PLCH1: variants seen among roughly 807,000 people sequenced by gnomAD.
PLCH1 encodes 1-phosphatidylinositol 4,5-bisphosphate phosphodiesterase eta-1.
A neutral mutation model predicts 126.7 loss-of-function variants in PLCH1; 60 were observed. The observed-to-expected ratio is 0.47, with a 90% confidence interval of 0.38 to 0.59. The LOEUF is 0.59. Among genes scored for constraint, PLCH1 ranks in the 20% least tolerant of loss-of-function variants. The pLI, the probability that PLCH1 is intolerant of heterozygous loss-of-function variation, is 0.00. For missense variants in PLCH1, 1,723 were observed against 2,040.0 expected, an observed-to-expected ratio of 0.84 and a Z score of 2.99; for synonymous variants, 719 against 734.9, an observed-to-expected ratio of 0.98 and a Z score of 0.35.
intron 6 of PLCH1, among the ~76,000 whole-genome samples, chr3:155,572,756 C>T (rs1729386752): frequency 1.3e-5 from 2 of 151,770 alleles, no homozygotes; most frequent in African/African-American, 4.8e-5. Context: ...GACAGGTCCT[C>T]ATTCTGTCAC....
Position 155,710,970 on chromosome 3 carries a change from CTTT to C in PLCH1, c.-40-6709_-40-6707del, listed in dbSNP as rs35033002. On this transcript the variant is annotated intron_variant, in intron 1 of 22. Coordinates refer to ENST00000460012, the MANE Select transcript of PLCH1 (RefSeq NM_014996.4). ...AGACAATGACCATGGGCACTGTGGTCTTTTTTTTTTTTTTTTTAACACAAATTA... is the reference window on the plus strand; with the variant it reads ...AGACAATGACCATGGGCACTGTGGTCTTTTTTTTTTTTTTAACACAAATTA... 2.2e-3 allele frequency among the ~76,000 whole-genome samples: 297 copies of C among 136,112 alleles called. 1 individual carries two copies. The highest frequency in any genetic ancestry group is 6.3e-3 in the African/African-American group (238 of 37,942). 89.3% of individuals were successfully genotyped at this position (136,112 alleles called of 152,430 possible). A position where few individuals can be genotyped will look rare whatever the true frequency, so the allele number is the denominator to read the frequency against.
At chr3:155,642,554 G>T (rs1739523664) in intron 2 of PLCH1, among the ~76,000 whole-genome samples, 1 of 152,182 alleles carries the variant, frequency 6.6e-6, no homozygotes, top group South Asian at 2.1e-4. Context: ...AGCAGATTGC[G>T]CTCTCCAATG....
At chr3:155,614,037 C>G (rs1735474430) in intron 2 of PLCH1, among the ~76,000 whole-genome samples, 3 of 152,220 alleles carry the variant, frequency 2.0e-5, no homozygotes, top group Admixed American at 2.0e-4. Context: ...AATAACTCAA[C>G]CCCTTTTACA....
chr3:155,607,453 T>C (rs534282085), intron 2 of PLCH1, among the ~76,000 whole-genome samples: 1 of 150,858 alleles, frequency 6.6e-6, no homozygotes, highest in Non-Finnish European at 1.5e-5. Flanking sequence ...TGTTTATTTG[T>C]TTTTTTTTCT....
At chr3:155,582,475 A>G (rs1048343727) in intron 6 of PLCH1, among the ~76,000 whole-genome samples, 1 of 152,194 alleles carries the variant, frequency 6.6e-6, no homozygotes, top group African/African-American at 2.4e-5. Context: ...ATATCTCAAT[A>G]AAGCCTTTAT....
chr3:155,522,963 C>CGGGGGG (rs547629056), intron 11 of PLCH1, among the ~76,000 whole-genome samples: 6 of 42,844 alleles, frequency 1.4e-4, no homozygotes, highest in African/African-American at 3.7e-4. Flanking sequence ...TCTTTTTTTG[C>CGGGGGG]GGGGGGGGTG....
At chr3:155,548,073 C>T (rs982066261) in intron 10 of PLCH1, among the ~76,000 whole-genome samples, 1 of 151,906 alleles carries the variant, frequency 6.6e-6, no homozygotes, top group Admixed American at 6.6e-5. Context: ...AAAAAATGAA[C>T]TTTGCCTGTA....
chr3:155,687,008 G>A (rs1314557259), intron 2 of PLCH1, among the ~76,000 whole-genome samples: 1 of 152,136 alleles, frequency 6.6e-6, no homozygotes, highest in Non-Finnish European at 1.5e-5. Flanking sequence ...GCAATAAAAT[G>A]CTTGACAGCA....
chr3:155,697,288 G>T (rs1745893982), intron 2 of PLCH1, among the ~76,000 whole-genome samples: 1 of 152,162 alleles, frequency 6.6e-6, no homozygotes, highest in South Asian at 2.1e-4. Context: ...TAAAATGTTA[G>T]TGAACAAGGA....
chr3:155,661,151 A>C (rs1194256733), intron 2 of PLCH1, among the ~76,000 whole-genome samples: 3 of 152,212 alleles, frequency 2.0e-5, no homozygotes, highest in Non-Finnish European at 4.4e-5. Flanking sequence ...AGAGGCAAAC[A>C]ATCAACTTTT....
intron 2 of PLCH1, among the ~76,000 whole-genome samples, chr3:155,622,853 A>G (rs1736702115): frequency 6.6e-6 from 1 of 152,164 alleles, no homozygotes. Context: ...AGACAGATCA[A>G]TGACACAGAA....
At chr3:155,460,942 G>A (rs937973569) in intron 21 of PLCH1, among the ~76,000 whole-genome samples, 11 of 152,140 alleles carry the variant, frequency 7.2e-5, no homozygotes, top group African/African-American at 2.7e-4. Flanking sequence ...GAGTATACCA[G>A]TCTAACCTCT....
intron 2 of PLCH1, among the ~76,000 whole-genome samples, chr3:155,621,153 G>A (rs1006359047): frequency 6.6e-5 from 10 of 152,164 alleles, no homozygotes; most frequent in Non-Finnish European, 1.3e-4. Context: ...AACTCCAGCA[G>A]ACCTGCAGCA....
rs1261617364 is a variant in PLCH1, at chr3:155,566,280, CAT to C, written c.866-1164_866-1163del. On this transcript the variant is annotated intron_variant, in intron 7 of 22. Transcript: ENST00000460012. ...ATATACACATATATATACATATATA[CAT>C]ATATATACGTATATATACACATATA... Among the ~76,000 whole-genome samples, 35 of 28,224 alleles carry C rather than the reference CAT, an allele frequency of 1.2e-3. 8 individuals are homozygous for C. The highest frequency in any genetic ancestry group is 2.0e-3 in the African/African-American group (28 of 14,084). The allele number at this position is 28,224 out of a possible 152,430, so 18.5% of individuals were successfully genotyped here. A position where few individuals can be genotyped will look rare whatever the true frequency, so the allele number is the denominator to read the frequency against.
In PLCH1 at chr3:155,573,597, C is replaced by T. The variant is rs545093885; in HGVS notation, c.772-5273G>A. ...ATGTAGTCTCTCATCCCCAAGGAAA[C>T]TCACCTGGTTTCCTCACATGATAGT... On this transcript the variant is annotated intron_variant, in intron 6 of 22. Transcript: ENST00000460012. Among the ~76,000 whole-genome samples, 21 of 152,292 alleles carry T rather than the reference C, an allele frequency of 1.4e-4. No homozygotes were observed. The East Asian group carries it at 2.5e-3, about 18-fold the overall frequency.
At chr3:155,457,338 G>A (rs1276072288) in intron 21 of PLCH1, 1 of 152,218 alleles carries the variant, frequency 6.6e-6, no homozygotes, top group Non-Finnish European at 1.5e-5. Flanking sequence ...AAGATGAGCA[G>A]AGGCTTCAAG....
intron 10 of PLCH1, among the ~76,000 whole-genome samples, chr3:155,545,092 T>A (rs1446723298): frequency 1.3e-5 from 2 of 151,612 alleles, no homozygotes; most frequent in Admixed American, 6.6e-5. Context: ...AATTAATGAA[T>A]CCAGGAGCTG....
At chr3:155,593,802 A>G (rs540464637) in intron 4 of PLCH1, 139 bp downstream of exon 4, 1 of 756,474 alleles carries the variant, frequency 1.3e-6, no homozygotes, top group Non-Finnish European at 2.1e-6. Context: ...AGGAGGGGAG[A>G]AGACGGTGTG....
rs116875694 is a variant in PLCH1 at position 155,576,748 on chromosome 3, G to A, written c.771+6724C>T. On this transcript the variant is annotated intron_variant, in intron 6 of 22. Coordinates refer to ENST00000460012, the MANE Select transcript of PLCH1 (RefSeq NM_014996.4). ...CCAGTTTTGAAACTCAAAACCCCAC[G>A]AAACTCTTGACTAACGACTCTTTCT... Among the ~76,000 whole-genome samples the A allele has an allele frequency of 2.3e-4, 35 of 152,090 alleles. No homozygotes were observed. The East Asian group carries it at 5.8e-3, about 25-fold the overall frequency.
Sources: gnomAD v4.1 joint callset for allele counts (sites outside exome capture counted in the v4.1 genomes callset) on GRCh38, gnomAD v4.1.1 for gene constraint, MANE v1.5 for transcripts, NCBI Gene and HGNC (gene_info 2026-07-23, HGNC 2026-07-21) for gene names.